LRRIQ3: variants seen among roughly 807,000 people sequenced by gnomAD.
LRRIQ3 encodes the protein leucine rich repeats and IQ motif containing 3, also known as leucine-rich repeat and IQ domain-containing protein 3.
LRRIQ3 carries 75 observed loss-of-function variants against 59.3 expected under a neutral mutation model. The ratio of observed to expected loss-of-function variants is 1.26; its 90% confidence interval spans 1.05 to 1.53. The LOEUF is 1.53. LRRIQ3 is among the 40% of genes most tolerant of loss of function. LRRIQ3 has a pLI of 0.00. For missense variants in LRRIQ3, 831 were observed against 710.0 expected, an observed-to-expected ratio of 1.17 and a Z score of -1.94; for synonymous variants, 250 against 231.3, an observed-to-expected ratio of 1.08 and a Z score of -0.73.
chr1:74,113,961 ATC>A (rs969820192), intron 4 of LRRIQ3, among the ~76,000 whole-genome samples: 1 of 151,368 alleles, frequency 6.6e-6, no homozygotes, highest in South Asian at 2.1e-4. Context: ...CTCTTTCTCT[ATC>A]TCTCTCTCTA....
intron 4 of LRRIQ3, among the ~76,000 whole-genome samples, chr1:74,115,341 A>G (rs1646764058): frequency 6.6e-6 from 1 of 152,140 alleles, no homozygotes; most frequent in Admixed American, 6.6e-5. Context: ...TTTTAAAAAC[A>G]TCAATTATTT....
At chr1:74,063,074 C>CAAAA (rs1553163308) in intron 6 of LRRIQ3, among the ~76,000 whole-genome samples, 3 of 148,510 alleles carry the variant, frequency 2.0e-5, no homozygotes, top group Non-Finnish European at 4.5e-5. Context: ...CAAAACAAAA[C>CAAAA]AAAAAAAATC....
intron 4 of LRRIQ3, among the ~76,000 whole-genome samples, chr1:74,125,269 T>A (rs1389950174): frequency 6.6e-6 from 1 of 151,818 alleles, no homozygotes; most frequent in Non-Finnish European, 1.5e-5. Context: ...GATTTTTGGG[T>A]GTTTTCAAAT....
At chr1:74,149,889 A>T (rs113071362) in intron 4 of LRRIQ3, among the ~76,000 whole-genome samples, 9 of 152,308 alleles carry the variant, frequency 5.9e-5, no homozygotes, top group African/African-American at 2.2e-4. Flanking sequence ...TTAATCCTTA[A>T]AACAGTAGCC....
At chr1:74,030,730 G>A (rs1249807090) in intron 7 of LRRIQ3, among the ~76,000 whole-genome samples, 2 of 152,114 alleles carry the variant, frequency 1.3e-5, no homozygotes, top group African/African-American at 2.4e-5. Context: ...AACACCAAAC[G>A]CAATGGCAAC....
At chr1:74,058,248 G>A (rs1654597009) in intron 6 of LRRIQ3, among the ~76,000 whole-genome samples, 1 of 151,944 alleles carries the variant, frequency 6.6e-6, no homozygotes, top group Non-Finnish European at 1.5e-5. Context: ...AATGAAATTA[G>A]TATTCAGAGA....
intron 1 of LRRIQ3, among the ~76,000 whole-genome samples, chr1:74,188,105 A>G (rs1000152690): frequency 6.6e-6 from 1 of 152,202 alleles, no homozygotes. Flanking sequence ...GAATGAGATC[A>G]TGTCCTTTAC....
intron 6 of LRRIQ3, among the ~76,000 whole-genome samples, chr1:74,054,133 C>T (rs1654451952): frequency 6.6e-6 from 1 of 151,884 alleles, no homozygotes; most frequent in Non-Finnish European, 1.5e-5. Context: ...ACCAAATATA[C>T]TTTAGTAGGT....
intron 5 of LRRIQ3, chr1:74,083,687 TA>T (rs1286622721): frequency 6.6e-6 from 1 of 151,900 alleles, no homozygotes; most frequent in African/African-American, 2.4e-5. Context: ...GATGTATAGG[TA>T]AGTCATAAAA....
At chr1:74,071,089 A>T (rs1401925710) in intron 6 of LRRIQ3, among the ~76,000 whole-genome samples, 5 of 140,714 alleles carry the variant, frequency 3.6e-5, no homozygotes, top group Non-Finnish European at 7.4e-5. Flanking sequence ...TTTTATAGTT[A>T]TATATATATA....
chr1:74,169,458 C>T (rs376391509), intron 3 of LRRIQ3, among the ~76,000 whole-genome samples: 1 of 152,112 alleles, frequency 6.6e-6, no homozygotes, highest in African/African-American at 2.4e-5. Flanking sequence ...TATGATAGCT[C>T]TATTTGTACT....
intron 4 of LRRIQ3, among the ~76,000 whole-genome samples, chr1:74,145,017 T>C (rs1570202809): frequency 6.6e-6 from 1 of 152,120 alleles, no homozygotes; most frequent in Non-Finnish European, 1.5e-5. Context: ...TATGATAATA[T>C]GATCTATGCA....
At chr1:74,161,655 G>C (rs1648666901) in intron 3 of LRRIQ3, among the ~76,000 whole-genome samples, 1 of 151,810 alleles carries the variant, frequency 6.6e-6, no homozygotes, top group African/African-American at 2.4e-5. Flanking sequence ...CTCATCAGTA[G>C]AGAAACATTA....
intron 3 of LRRIQ3, among the ~76,000 whole-genome samples, chr1:74,174,310 ACTCT>A (rs1188063667): frequency 2.7e-5 from 4 of 148,830 alleles, no homozygotes; most frequent in African/African-American, 1.0e-4. Context: ...TACTGTTGAA[ACTCT>A]CTATTGAATT....
intron 6 of LRRIQ3, among the ~76,000 whole-genome samples, chr1:74,066,922 T>C (rs1329918793): frequency 6.6e-6 from 1 of 152,174 alleles, no homozygotes; most frequent in Non-Finnish European, 1.5e-5. Context: ...GAGAATGGTA[T>C]GCTTAGCCCA....
At chr1:74,099,607 AG>A (rs954950591) in intron 5 of LRRIQ3, among the ~76,000 whole-genome samples, 108 of 152,314 alleles carry the variant, frequency 7.1e-4, no homozygotes, top group African/African-American at 2.4e-3. Context: ...CAACAAAAAA[AG>A]AGAATTTTAG....
At chr1:74,030,528 C>T (rs1653671582) in intron 7 of LRRIQ3, among the ~76,000 whole-genome samples, 1 of 151,982 alleles carries the variant, frequency 6.6e-6, no homozygotes, top group South Asian at 2.1e-4. Flanking sequence ...CCCTATTTAA[C>T]AAATGGTGGT....
chr1:74,104,595 T>C (rs1395593593), intron 5 of LRRIQ3, among the ~76,000 whole-genome samples: 1 of 151,994 alleles, frequency 6.6e-6, no homozygotes, highest in Admixed American at 6.6e-5. Flanking sequence ...TTACATACTA[T>C]ATGATTTCAA....
At chr1:74,089,009 TAGAC>T (rs1646365196) in intron 5 of LRRIQ3, among the ~76,000 whole-genome samples, 2 of 152,120 alleles carry the variant, frequency 1.3e-5, no homozygotes, top group South Asian at 2.1e-4. Flanking sequence ...AGGATTTAAA[TAGAC>T]AGTTCTCCAT....
Sources: gnomAD v4.1 joint callset for allele counts (sites outside exome capture counted in the v4.1 genomes callset) on GRCh38, gnomAD v4.1.1 for gene constraint, MANE v1.5 for transcripts, NCBI Gene and HGNC (gene_info 2026-07-23, HGNC 2026-07-21) for gene names.